The following AFG2A variants were observed in gnomAD, a reference collection of about 807,000 sequenced individuals.
The protein encoded by AFG2A is AAA ATPase AFG2A.
chr4:123,074,052 C>A, the AFG2A span, among the ~76,000 whole-genome samples: 1 of 144,910 alleles, frequency 6.9e-6, no homozygotes, highest in African/African-American at 2.5e-5. Flanking sequence ...CATTCTTGAT[C>A]TCTTTGATTT....
chr4:123,028,038 T>A, the AFG2A span: 4 of 637,440 alleles, frequency 6.3e-6, no homozygotes, highest in African/African-American at 7.4e-5. Context: ...CTTCTTGTTA[T>A]TCTTGGAATT....
the AFG2A span, chr4:123,314,220 T>C: frequency 3.8e-6 from 2 of 530,072 alleles, no homozygotes; most frequent in Non-Finnish European, 6.3e-6. Flanking sequence ...GATTTTCAAG[T>C]CATGTAAGTA....
the AFG2A span, chr4:122,934,670 G>C: frequency 3.1e-6 from 5 of 1,608,088 alleles, no homozygotes; most frequent in African/African-American, 6.7e-5. Flanking sequence ...GGATTAAGTA[G>C]CCAGCTGAAA....
chr4:122,948,692 G>A, the AFG2A span, among the ~76,000 whole-genome samples: 1 of 152,118 alleles, frequency 6.6e-6, no homozygotes. Flanking sequence ...CAGTGGTGAT[G>A]GGCTGGACAG....
At chr4:123,021,024 A>T in the AFG2A span, among the ~76,000 whole-genome samples, 4 of 151,864 alleles carry the variant, frequency 2.6e-5, no homozygotes, top group Admixed American at 2.6e-4. Flanking sequence ...TCCATATTTT[A>T]CTCTTCGCTA....
the AFG2A span, among the ~76,000 whole-genome samples, chr4:123,119,236 G>A: frequency 2.6e-5 from 4 of 151,972 alleles, no homozygotes; most frequent in South Asian, 2.1e-4. Context: ...TTTGTTTACC[G>A]GTAAGTCACC....
the AFG2A span, chr4:122,947,397 C>A: frequency 6.2e-7 from 1 of 1,614,010 alleles, no homozygotes; most frequent in South Asian, 1.1e-5. Context: ...GAAGGGTACC[C>A]CATTTGCTCA....
chr4:123,079,745 CTTTTTTTTTTTTT>C, the AFG2A span, among the ~76,000 whole-genome samples: 1 of 72,660 alleles, frequency 1.4e-5, no homozygotes, highest in African/African-American at 5.8e-5. Flanking sequence ...TCTTTTCCTT[CTTTTTTTTTTTTT>C]TTTTTTTTGA....
chr4:123,145,822 G>A, the AFG2A span, among the ~76,000 whole-genome samples: 92 of 152,154 alleles, frequency 6.0e-4, no homozygotes, highest in African/African-American at 2.2e-3. Context: ...CCTAATTACT[G>A]AAAACTGGAC....
At chr4:123,044,159 G>A in the AFG2A span, among the ~76,000 whole-genome samples, 1 of 152,274 alleles carries the variant, frequency 6.6e-6, no homozygotes, top group African/African-American at 2.4e-5. Context: ...CTTGTATGCA[G>A]CTGATCTGGG....
the AFG2A span, among the ~76,000 whole-genome samples, chr4:123,095,079 GTGTATATA>G: frequency 3.6e-4 from 42 of 115,664 alleles, no homozygotes; most frequent in Middle Eastern, 4.5e-3. Flanking sequence ...GTGTGTGTGT[GTGTATATA>G]TATATATATA....
At chr4:123,089,569 C>A in the AFG2A span, among the ~76,000 whole-genome samples, 1 of 151,880 alleles carries the variant, frequency 6.6e-6, no homozygotes, top group Admixed American at 6.6e-5. Context: ...TTAGTAGGAT[C>A]TGTTGAGTTT....
the AFG2A span, among the ~76,000 whole-genome samples, chr4:122,956,057 A>T: frequency 6.6e-6 from 1 of 152,140 alleles, no homozygotes; most frequent in East Asian, 1.9e-4. Context: ...AGACTTTTTG[A>T]CTTTCTAATA....
the AFG2A span, among the ~76,000 whole-genome samples, chr4:122,966,718 C>T: frequency 4.6e-5 from 7 of 152,138 alleles, no homozygotes; most frequent in South Asian, 4.1e-4. Context: ...ATGTTCCTGA[C>T]GTGTTTTTGT....
At chr4:123,167,309 C>T in the AFG2A span, among the ~76,000 whole-genome samples, 7 of 150,988 alleles carry the variant, frequency 4.6e-5, no homozygotes, top group Non-Finnish European at 8.8e-5. Flanking sequence ...GCCTTTCTTT[C>T]TCCATAGGTT....
At chr4:123,044,710 C>T in the AFG2A span, among the ~76,000 whole-genome samples, 1 of 151,938 alleles carries the variant, frequency 6.6e-6, no homozygotes, top group African/African-American at 2.4e-5. Flanking sequence ...TTGAAGACCC[C>T]TCATATATTA....
the AFG2A span, among the ~76,000 whole-genome samples, chr4:123,044,531 A>T: frequency 5.3e-5 from 8 of 152,088 alleles, no homozygotes; most frequent in Admixed American, 6.5e-5. Flanking sequence ...TTTTAACAAA[A>T]TTCATGTGGC....
chr4:123,001,736 T>C, the AFG2A span, among the ~76,000 whole-genome samples: 21 of 152,182 alleles, frequency 1.4e-4, no homozygotes, highest in African/African-American at 5.1e-4. Context: ...ATGTGGTCAA[T>C]TTTGGAATAG....
the AFG2A span, among the ~76,000 whole-genome samples, chr4:123,210,465 T>TGAAA: frequency 6.6e-6 from 1 of 152,230 alleles, no homozygotes; most frequent in Non-Finnish European, 1.5e-5. Flanking sequence ...CCTGGTTTAT[T>TGAAA]TCACTTTATG....
Sources: gnomAD v4.1 joint callset for allele counts (sites outside exome capture counted in the v4.1 genomes callset) on GRCh38, gnomAD v4.1.1 for gene constraint, MANE v1.5 for transcripts, NCBI Gene and HGNC (gene_info 2026-07-23, HGNC 2026-07-21) for gene names.